The following NTN1 variants were observed in gnomAD, a reference collection of about 807,000 sequenced individuals.
The protein encoded by NTN1 is netrin 1.
NTN1 carries 11 observed loss-of-function variants against 54.2 expected under a neutral mutation model. The ratio of observed to expected loss-of-function variants is 0.20; its 90% CI spans 0.13 to 0.34. The LOEUF is 0.34. NTN1 is among the 10% of genes least tolerant of loss of function. The pLI is 1.00. For synonymous variants in NTN1, 371 were observed against 382.0 expected, an observed-to-expected ratio of 0.97 and a Z score of 0.33; for missense variants, 740 against 893.1, an observed-to-expected ratio of 0.83 and a Z score of 2.18.
chr17:9,106,472 CCTTCCTTCCTTCCTTCCTTCCTTCCTT>C (rs2092166836), intron 2 of NTN1, among the ~76,000 whole-genome samples: 3 of 16,794 alleles, frequency 1.8e-4, no homozygotes, highest in African/African-American at 4.5e-4. Context: ...TTCCTCCCTT[CCTTCCTTCCTTCCTTCCTTCCTTCCTT>C]CCTTCCTTCC....
intron 5 of NTN1, among the ~76,000 whole-genome samples, chr17:9,194,343 T>C (rs1333382655): frequency 2.0e-5 from 3 of 152,226 alleles, no homozygotes; most frequent in Admixed American, 6.5e-5. Context: ...CAATGTAAGA[T>C]GGAAAGTGTT....
At chr17:9,198,144 G>A (rs1385954941) in intron 5 of NTN1, among the ~76,000 whole-genome samples, 1 of 152,230 alleles carries the variant, frequency 6.6e-6, no homozygotes, top group Non-Finnish European at 1.5e-5. Context: ...GTGCTTTCAG[G>A]AGAAACCAGT....
chr17:9,128,517 C>T (rs1000625583), intron 2 of NTN1, among the ~76,000 whole-genome samples: 3 of 152,164 alleles, frequency 2.0e-5, no homozygotes, highest in Non-Finnish European at 4.4e-5. Context: ...CTCCTTGTCC[C>T]GGTGCAAAGC....
intron 2 of NTN1, among the ~76,000 whole-genome samples, chr17:9,067,442 A>G (rs898157628): frequency 5.3e-5 from 8 of 152,222 alleles, no homozygotes; most frequent in Non-Finnish European, 8.8e-5. Context: ...TCCTGTTACA[A>G]TAAGATAACA....
chr17:9,179,629 G>A (rs778388871), intron 3 of NTN1, among the ~76,000 whole-genome samples, 178 bp from the exon 4 acceptor site: 1 of 152,196 alleles, frequency 6.6e-6, no homozygotes, highest in African/African-American at 2.4e-5. Flanking sequence ...TTTCCAGGTA[G>A]GTGGGTGGCC....
chr17:9,055,283 C>G (rs1180609299), intron 2 of NTN1, among the ~76,000 whole-genome samples: 1 of 152,180 alleles, frequency 6.6e-6, no homozygotes, highest in Non-Finnish European at 1.5e-5. Flanking sequence ...TATTGAACAC[C>G]CACTGCATCC....
chr17:9,098,552 C>T (rs2142239991), intron 2 of NTN1, among the ~76,000 whole-genome samples: 1 of 152,330 alleles, frequency 6.6e-6, no homozygotes, highest in South Asian at 2.1e-4. Flanking sequence ...GCGAGAACCT[C>T]ATCTGTGAGG....
chr17:9,210,501 TCTC>T (rs1405523630), intron 5 of NTN1, among the ~76,000 whole-genome samples: 2 of 151,846 alleles, frequency 1.3e-5, no homozygotes, highest in Non-Finnish European at 2.9e-5. Context: ...GGGTAGCACT[TCTC>T]CACAGCAGAA....
At chr17:9,019,114 G>T (rs1363288171), upstream of NTN1, among the ~76,000 whole-genome samples, 2 of 152,144 alleles carry the variant, frequency 1.3e-5, no homozygotes, top group African/African-American at 4.8e-5. Flanking sequence ...AGGTGTAGAG[G>T]TTGGAACTCC....
chr17:9,116,420 A>G (rs541059338), intron 2 of NTN1, among the ~76,000 whole-genome samples: 58 of 149,710 alleles, frequency 3.9e-4, no homozygotes, highest in Non-Finnish European at 7.4e-4. Flanking sequence ...TAGAGTCTCT[A>G]CTCGCTGTTT....
rs1485768327 is a variant in NTN1, at chr17:9,243,488, A to C, written c.*3520A>C. 2 of 152,200 alleles carry C rather than the reference A, an allele frequency of 1.3e-5. No individual in the cohort carries two copies. Among genetic ancestry groups the C allele is most frequent in the Non-Finnish European group, 2.9e-5 (2 of 68,064 alleles). The allele number at this position is 152,200 out of a possible 1,614,324, so 9.4% of individuals were successfully genotyped here. ...CGCTTAGGCTGTCAACACTTAAAGG[A>C]AGTCCCCTTGAAGCCCAGAGTGGAC... On this transcript the variant is annotated 3_prime_UTR_variant, in exon 7 of 7. Coordinates refer to ENST00000173229, the MANE Select transcript of NTN1 (RefSeq NM_004822.3).
intron 2 of NTN1, among the ~76,000 whole-genome samples, chr17:9,161,332 C>T (rs758903907): frequency 3.3e-5 from 5 of 152,258 alleles, no homozygotes; most frequent in African/African-American, 7.2e-5. Context: ...GGTCCTTGCA[C>T]GTGGCTCTAG....
chr17:9,237,870 G>A (rs768199489), intron 6 of NTN1, among the ~76,000 whole-genome samples: 27 of 152,154 alleles, frequency 1.8e-4, no homozygotes, highest in Non-Finnish European at 3.8e-4. Flanking sequence ...AGTTCACACT[G>A]AGTGTTGAGT....
intron 2 of NTN1, among the ~76,000 whole-genome samples, chr17:9,113,723 C>T (rs543738685): frequency 3.3e-5 from 5 of 152,060 alleles, no homozygotes; most frequent in Non-Finnish European, 7.3e-5. Context: ...AAAAAGCCAA[C>T]TGCAGAATCA....
At chr17:9,092,919 C>T (rs539506151) in intron 2 of NTN1, among the ~76,000 whole-genome samples, 8 of 152,288 alleles carry the variant, frequency 5.3e-5, no homozygotes, top group South Asian at 4.1e-4. Flanking sequence ...CCACCACGCC[C>T]GGCTAATTTT....
chr17:9,080,934 C>T (rs770252384), intron 2 of NTN1, among the ~76,000 whole-genome samples: 3 of 152,200 alleles, frequency 2.0e-5, no homozygotes, highest in Admixed American at 1.3e-4. Context: ...CACCTGTATT[C>T]TCTGTAATAT....
chr17:9,196,815 G>A lies in NTN1; in HGVS notation c.1411+13846G>A, dbSNP rs568955765. ...AAAGCCTTCTATTTGTAGAGATCAG[G>A]AATGAAGCAGAGATCTGAAATTATT... On this transcript the variant is annotated intron_variant, in intron 5 of 6. Transcript: ENST00000173229. 2.0e-5 allele frequency among the ~76,000 whole-genome samples: 3 copies of A among 152,276 alleles called. 1 individual carries two copies. In the South Asian group the frequency reaches 6.2e-4, roughly 32 times the overall value.
intron 2 of NTN1, among the ~76,000 whole-genome samples, chr17:9,090,889 C>T (rs1187728941): frequency 1.3e-5 from 2 of 152,240 alleles, no homozygotes; most frequent in Non-Finnish European, 2.9e-5. Flanking sequence ...AAGAGCCGGG[C>T]GGCCCCGCTC....
chr17:9,205,978 C>T (rs776272058), intron 5 of NTN1, among the ~76,000 whole-genome samples: 5 of 152,228 alleles, frequency 3.3e-5, no homozygotes, highest in Non-Finnish European at 5.9e-5. Flanking sequence ...CTGCCGCAGA[C>T]GGGCTGAGCT....
Sources: allele counts gnomAD v4.1 joint callset (sites outside exome capture counted in the v4.1 genomes callset), GRCh38; gene constraint gnomAD v4.1.1; transcripts MANE v1.5; gene names NCBI Gene and HGNC (gene_info 2026-07-23, HGNC 2026-07-21).